Variants in USP49 observed in about 807,000 individuals in gnomAD.
USP49 encodes ubiquitin carboxyl-terminal hydrolase 49.
Under a neutral mutation model 58.6 loss-of-function variants are expected in USP49, and 24 were observed. The observed-to-expected ratio is 0.41, with a 90% CI of 0.30 to 0.58. The LOEUF is 0.58. Ranked by LOEUF, USP49 falls within the 20% of genes least tolerant of loss-of-function variation. The pLI is 0.30. For synonymous variants in USP49, 408 were observed against 365.1 expected (o/e 1.12, Z -1.34); for missense variants, 703 against 866.1 (o/e 0.81, Z 2.36).
intron 2 of USP49, among the ~76,000 whole-genome samples, chr6:41,887,982 C>A (rs544602480): frequency 6.6e-6 from 1 of 150,744 alleles, no homozygotes; most frequent in South Asian, 2.1e-4. Flanking sequence ...AGAAAGAATG[C>A]TTTCCAAACA....
intron 3 of USP49, among the ~76,000 whole-genome samples, chr6:41,845,162 A>G (rs1193694374): frequency 6.6e-6 from 1 of 152,052 alleles, no homozygotes; most frequent in Non-Finnish European, 1.5e-5. Context: ...CAGCCTCCCA[A>G]AGTGCTGGGA....
intron 3 of USP49, among the ~76,000 whole-genome samples, chr6:41,864,711 C>G (rs916937222): frequency 6.6e-6 from 1 of 152,062 alleles, no homozygotes; most frequent in African/African-American, 2.4e-5. Flanking sequence ...TTTTAAATGT[C>G]AGTTTCTTTT....
At position 41,795,023 on chromosome 6, in the gene USP49, G is replaced by A. The variant is rs1336958939; in HGVS notation, c.*1510C>T. 2 of 152,122 alleles carry A rather than the reference G, an allele frequency of 1.3e-5. No individual in the cohort carries two copies. Among genetic ancestry groups the A allele is most frequent in the African/African-American group, 4.8e-5 (2 of 41,408 alleles). The allele number at this position is 152,122 out of a possible 1,614,324, so 9.4% of individuals were successfully genotyped here. A position where few individuals can be genotyped will look rare whatever the true frequency, so the allele number is the denominator to read the frequency against. ...CTAAAGCTATAACCCTCATTCTTTA[G>A]CCTGGCTTTCCCCACTTCCCACTCC... is the stretch of plus-strand genomic sequence containing the variant. On this transcript the variant is annotated 3_prime_UTR_variant, in exon 8 of 8. Transcript: ENST00000682992.
intron 2 of USP49, among the ~76,000 whole-genome samples, chr6:41,877,169 C>T (rs1561925393): frequency 6.6e-6 from 1 of 152,156 alleles, no homozygotes; most frequent in Non-Finnish European, 1.5e-5. Context: ...TTATGACTCT[C>T]AATAATGGTT....
chr6:41,807,206 G>A (rs1773156287), intron 3 of USP49, among the ~76,000 whole-genome samples, 195 bp from the exon 4 acceptor site: 1 of 151,978 alleles, frequency 6.6e-6, no homozygotes, highest in African/African-American at 2.4e-5. Flanking sequence ...GAGAGTTACA[G>A]GACAGTTAAA....
At chr6:41,815,931 A>T (rs368632784) in intron 3 of USP49, among the ~76,000 whole-genome samples, 13 of 152,356 alleles carry the variant, frequency 8.5e-5, no homozygotes, top group African/African-American at 2.6e-4. Flanking sequence ...GCTTTCTTCA[A>T]TGAAAAAGGA....
intron 2 of USP49, among the ~76,000 whole-genome samples, chr6:41,872,259 G>A (rs1052968111): frequency 1.2e-4 from 18 of 152,198 alleles, no homozygotes; most frequent in Non-Finnish European, 2.5e-4. Flanking sequence ...GCTTGAGATC[G>A]GCAAGCTGGG....
intron 3 of USP49, among the ~76,000 whole-genome samples, chr6:41,810,669 C>T (rs990169599): frequency 1.3e-5 from 2 of 150,902 alleles, no homozygotes; most frequent in African/African-American, 4.9e-5. Flanking sequence ...GCCTCAGCCT[C>T]CCTAGTAGCT....
At position 41,806,467 on chromosome 6, in the gene USP49, G is replaced by A. The variant is rs777756544; in HGVS notation, c.517C>T (p.Arg173Trp). Residue 173 changes from arginine (R) to tryptophan (W), a missense_variant, in exon 4 of 8, where the codon CGG becomes TGG. Coordinates refer to ENST00000682992, the MANE Select transcript of USP49 (RefSeq NM_001286554.2). The surrounding 1 kb of genome is among the most constrained non-coding windows in gnomAD (Gnocchi z 5.9). ...SRGQAKLEQR[R>W]QEEALERKKE... The stretch of plus-strand genomic sequence containing the variant: ...TTGCGCTCCAGGGCCTCCTCCTGCC[G>A]CCGCTGCTCCAGCTTCGCCTGGCCC... 2 of 1,595,576 alleles carry A rather than the reference G, an allele frequency of 1.3e-6. No homozygotes were observed. Among genetic ancestry groups the A allele is most frequent in the South Asian group, 1.1e-5 (1 of 90,650 alleles).
intron 3 of USP49, among the ~76,000 whole-genome samples, chr6:41,816,772 C>CAAT (rs1256347732): frequency 1.3e-5 from 2 of 151,912 alleles, no homozygotes; most frequent in Admixed American, 1.3e-4. Context: ...GGCTGGAGTG[C>CAAT]AATGGCATGA....
intron 3 of USP49, among the ~76,000 whole-genome samples, chr6:41,845,753 T>A (rs1248591020): frequency 3.2e-5 from 3 of 92,356 alleles, no homozygotes; most frequent in Non-Finnish European, 7.9e-5. Flanking sequence ...TTTTTAAATA[T>A]TTTTTTTTTC....
At chr6:41,824,782 C>T (rs1773511119) in intron 3 of USP49, among the ~76,000 whole-genome samples, 1 of 152,148 alleles carries the variant, frequency 6.6e-6, no homozygotes, top group Non-Finnish European at 1.5e-5. Flanking sequence ...TTAAAGAAAG[C>T]AGAATCAGCC....
chr6:41,830,135 A>G (rs1773609655), intron 3 of USP49, among the ~76,000 whole-genome samples: 1 of 152,200 alleles, frequency 6.6e-6, no homozygotes, highest in Non-Finnish European at 1.5e-5. Flanking sequence ...TCATTTTCTT[A>G]TAATATACTG....
chr6:41,888,048 C>CTTTTTTT (rs35468035), intron 2 of USP49, among the ~76,000 whole-genome samples: 21 of 85,502 alleles, frequency 2.5e-4, no homozygotes, highest in Non-Finnish European at 3.7e-4. Context: ...TCACAATCAG[C>CTTTTTTT]TTTTTTTTTT....
intron 2 of USP49, among the ~76,000 whole-genome samples, chr6:41,887,057 G>A (rs1221312074): frequency 6.6e-6 from 1 of 152,168 alleles, no homozygotes; most frequent in Non-Finnish European, 1.5e-5. Context: ...GTGAGCATAT[G>A]ACATATCCTA....
intron 3 of USP49, among the ~76,000 whole-genome samples, chr6:41,839,971 C>T (rs1773793777): frequency 6.6e-6 from 1 of 151,878 alleles, no homozygotes; most frequent in Non-Finnish European, 1.5e-5. Context: ...AATCATGTTC[C>T]CAAAAACTAT....
In USP49 at chr6:41,829,372, T is replaced by C. The variant is rs898724636; in HGVS notation, c.-28-22361A>G. On this transcript the variant is annotated intron_variant, in intron 3 of 7. Coordinates refer to ENST00000682992, the MANE Select transcript of USP49 (RefSeq NM_001286554.2). ...GCTTGTTGCCCAGGCTGGAGTGCAATGGCACGATCTTGGCTCACTGCAACC... is the reference window on the plus strand; with the variant it reads ...GCTTGTTGCCCAGGCTGGAGTGCAACGGCACGATCTTGGCTCACTGCAACC... Among the ~76,000 whole-genome samples the C allele has an allele frequency of 4.6e-5, 7 of 152,046 alleles. No individual in the cohort carries two copies. The South Asian group carries it at 6.2e-4, about 14-fold the overall frequency.
chr6:41,850,764 A>G (rs924399955), intron 3 of USP49, among the ~76,000 whole-genome samples: 2 of 151,842 alleles, frequency 1.3e-5, no homozygotes, highest in Admixed American at 1.3e-4. Flanking sequence ...CACCACGCCC[A>G]GCTAATTTTT....
At chr6:41,854,449 T>C (rs1374325126) in intron 3 of USP49, among the ~76,000 whole-genome samples, 1 of 151,788 alleles carries the variant, frequency 6.6e-6, no homozygotes, top group African/African-American at 2.4e-5. Context: ...TAACCCAAAA[T>C]AGGATCTTAA....
Sources: gnomAD v4.1 joint callset for allele counts (sites outside exome capture counted in the v4.1 genomes callset) on GRCh38, gnomAD v4.1.1 for gene constraint, Gnocchi (gnomAD v3.1) non-coding constraint, MANE v1.5 for transcripts, NCBI Gene and HGNC (gene_info 2026-07-23, HGNC 2026-07-21) for gene names.